OR6N1: variants seen among roughly 807,000 people sequenced by gnomAD.
The protein encoded by OR6N1 is olfactory receptor family 6 subfamily N member 1, also known as olfactory receptor 6N1.
For synonymous variants in OR6N1, 170 were observed against 150.7 expected (o/e 1.13, Z -0.94); for missense variants, 394 against 371.7 (o/e 1.06, Z -0.49).
At chr1:158,769,760 A>C (rs1657369040) in intron 1 of OR6N1, among the ~76,000 whole-genome samples, 1 of 152,210 alleles carries the variant, frequency 6.6e-6, no homozygotes, top group Admixed American at 6.5e-5. Context: ...TTAATATAGG[A>C]TGTTTCTCTA....
At chr1:158,807,218 A>G in the OR6N1 span, among the ~76,000 whole-genome samples, 2 of 152,116 alleles carry the variant, frequency 1.3e-5, no homozygotes, top group East Asian at 1.9e-4. Flanking sequence ...TTACGTAAAT[A>G]TTGGGATGTT....
chr1:158,786,643 A>T, the OR6N1 span, among the ~76,000 whole-genome samples: 2 of 152,222 alleles, frequency 1.3e-5, no homozygotes, highest in African/African-American at 4.8e-5. Context: ...TGTGGTATAT[A>T]TACACCACGT....
the OR6N1 span, chr1:158,777,625 T>C: frequency 3.5e-5 from 56 of 1,609,620 alleles, no homozygotes; most frequent in African/African-American, 6.8e-4. Context: ...TGAATGGTTG[T>C]ATTGATCCAT....
chr1:158,770,222 C>T (rs954292052), intron 1 of OR6N1, among the ~76,000 whole-genome samples: 3 of 152,094 alleles, frequency 2.0e-5, no homozygotes, highest in Non-Finnish European at 4.4e-5. Context: ...CACATAACTC[C>T]AAAGACTTAT....
At chr1:158,815,973 G>A in the OR6N1 span, among the ~76,000 whole-genome samples, 1 of 151,982 alleles carries the variant, frequency 6.6e-6, no homozygotes, top group African/African-American at 2.4e-5. Flanking sequence ...GGCTAACATG[G>A]TGAAACTCCA....
At chr1:158,772,882 G>T (rs542321186), upstream of OR6N1, among the ~76,000 whole-genome samples, 67 of 152,210 alleles carry the variant, frequency 4.4e-4, no homozygotes, top group Non-Finnish European at 8.4e-4. Context: ...TATATGTGAG[G>T]TGATAAATAT....
chr1:158,795,221 G>T, the OR6N1 span, among the ~76,000 whole-genome samples: 1 of 152,136 alleles, frequency 6.6e-6, no homozygotes, highest in African/African-American at 2.4e-5. Context: ...TCACACACTT[G>T]GCAGGTCAGG....
chr1:158,838,981 AT>A, the OR6N1 span, among the ~76,000 whole-genome samples: 1 of 151,792 alleles, frequency 6.6e-6, no homozygotes, highest in African/African-American at 2.4e-5. Flanking sequence ...CATTTTCCTG[AT>A]TTTATTTAGT....
At chr1:158,777,663 G>A in the OR6N1 span, 1 of 1,433,230 alleles carries the variant, frequency 7.0e-7, no homozygotes, top group Non-Finnish European at 9.7e-7. Flanking sequence ...AAGGAAAGAA[G>A]AAAACATTGG....
the OR6N1 span, among the ~76,000 whole-genome samples, chr1:158,811,068 TG>T: frequency 1.9e-4 from 29 of 152,320 alleles, no homozygotes; most frequent in Middle Eastern, 3.4e-3. Flanking sequence ...CAGTGAGTGT[TG>T]TTCTCCTCTA....
chr1:158,777,558 C>G, the OR6N1 span: 44 of 1,613,932 alleles, frequency 2.7e-5, no homozygotes, highest in South Asian at 3.5e-4. Context: ...GGACAAAAAG[C>G]CAGCCCCTGA....
chr1:158,795,424 A>C, the OR6N1 span, among the ~76,000 whole-genome samples: 1 of 151,996 alleles, frequency 6.6e-6, no homozygotes, highest in African/African-American at 2.4e-5. Context: ...CACACTTCTC[A>C]CTTGCTTGCT....
intron 1 of OR6N1, among the ~76,000 whole-genome samples, 197 bp from the exon 2 acceptor site, chr1:158,766,897 C>T (rs1401142958): frequency 1.3e-5 from 2 of 152,146 alleles, no homozygotes; most frequent in Non-Finnish European, 2.9e-5. Flanking sequence ...AGACTATTCA[C>T]CTTTATGTTT....
chr1:158,839,670 T>C, the OR6N1 span, among the ~76,000 whole-genome samples: 2 of 152,310 alleles, frequency 1.3e-5, no homozygotes, highest in East Asian at 3.9e-4. Flanking sequence ...GGAAGTTTCC[T>C]CCTGATCACG....
chr1:158,832,523 G>A, the OR6N1 span, among the ~76,000 whole-genome samples: 1 of 151,344 alleles, frequency 6.6e-6, no homozygotes, highest in East Asian at 1.9e-4. Context: ...GTATATCTAA[G>A]TATATATGTT....
chr1:158,833,164 A>G, the OR6N1 span, among the ~76,000 whole-genome samples: 2 of 152,156 alleles, frequency 1.3e-5, no homozygotes, highest in African/African-American at 4.8e-5. Context: ...AAAAACACTA[A>G]TTAAAGTATT....
At chr1:158,817,033 ATG>A in the OR6N1 span, among the ~76,000 whole-genome samples, 1 of 152,352 alleles carries the variant, frequency 6.6e-6, no homozygotes, top group East Asian at 1.9e-4. Context: ...TATATTCATT[ATG>A]TAAAAATTGG....
the OR6N1 span, among the ~76,000 whole-genome samples, chr1:158,788,239 A>G: frequency 1.3e-5 from 2 of 152,204 alleles, no homozygotes; most frequent in African/African-American, 4.8e-5. Context: ...AAAATTTAAG[A>G]AAAGTTCTTA....
the OR6N1 span, among the ~76,000 whole-genome samples, chr1:158,780,403 T>A: frequency 6.6e-6 from 1 of 152,102 alleles, no homozygotes; most frequent in South Asian, 2.1e-4. Context: ...ACATAGAAAA[T>A]CTGTGTAAGG....
Sources: gnomAD v4.1 joint callset for allele counts (sites outside exome capture counted in the v4.1 genomes callset) on GRCh38, gnomAD v4.1.1 for gene constraint, MANE v1.5 for transcripts, NCBI Gene and HGNC (gene_info 2026-07-23, HGNC 2026-07-21) for gene names.